Variants in SCOC observed in about 807,000 individuals in gnomAD.
SCOC encodes short coiled coil protein.
SCOC carries 7 observed loss-of-function variants against 9.9 expected under a neutral mutation model. That is an observed-to-expected ratio of 0.71 (90% CI 0.40 to 1.33). The LOEUF is 1.33. Ranked by LOEUF, SCOC falls within the 40% of genes most tolerant of loss-of-function variation. The pLI, the probability that SCOC is intolerant of heterozygous loss-of-function variation, is 0.01. For missense variants in SCOC, 66 were observed against 89.7 expected (o/e 0.74, Z 1.07); for synonymous variants, 19 against 28.2 (o/e 0.67, Z 1.03).
At chr4:140,376,003 G>C (rs1728328246) in intron 1 of SCOC, among the ~76,000 whole-genome samples, 1 of 152,138 alleles carries the variant, frequency 6.6e-6, no homozygotes, top group African/African-American at 2.4e-5. Context: ...GGAGCAGAAG[G>C]AGTTGAAAGT....
chr4:140,379,603 A>G lies in SCOC; in HGVS notation c.57A>G (p.Glu19=). ...CTGAAAATCAAGTGGAACTGGAGGA[A>G]AAAACAAGACTTATTAATCAAGTGT... ...VDAENQVELE[E]KTRLINQVLE... Residue 19 remains glutamate, a synonymous_variant, in exon 3 of 4, where the codon GAA becomes GAG. Transcript: ENST00000608372. 1.2e-6 allele frequency: 2 copies of G among 1,612,980 alleles called. No homozygotes were observed. The highest frequency in any genetic ancestry group is 2.7e-5 in the African/African-American group (2 of 74,998).
chr4:140,353,834 T>C (rs1345828512), intron 2 of SCOC, among the ~76,000 whole-genome samples: 3 of 152,244 alleles, frequency 2.0e-5, no homozygotes, highest in Non-Finnish European at 4.4e-5. Flanking sequence ...ACCAGCCTTC[T>C]TGGGATGCAC....
At chr4:140,334,553 G>T (rs982136600) in intron 1 of SCOC, among the ~76,000 whole-genome samples, 1 of 151,920 alleles carries the variant, frequency 6.6e-6, no homozygotes, top group Admixed American at 6.6e-5. Flanking sequence ...CACTAATAGC[G>T]AAACTGTTTT....
Position 140,379,189 on chromosome 4 carries a change from GATGGT to G in SCOC, c.22+1_22+5del, listed in dbSNP as rs1237205723. The G allele has an allele frequency of 6.2e-7, 1 of 1,600,870 alleles. No individual in the cohort carries two copies. On this transcript the variant is annotated splice_donor_variant and coding_sequence_variant, in exon 2 of 4. Transcript: ENST00000608372. LOFTEE classifies it high-confidence loss of function. ...ACCCAAGATGATGAATGCTGACATG[GATGGT>G]ATGTTCTTCATTTTCTTTTTTGTAT...
intron 1 of SCOC, among the ~76,000 whole-genome samples, chr4:140,300,687 G>A (rs1731787290): frequency 6.6e-6 from 1 of 152,232 alleles, no homozygotes; most frequent in South Asian, 2.1e-4. Flanking sequence ...GCCCAGGAAA[G>A]CACTCACTTT....
At chr4:140,348,764 GT>G (rs75636676) in intron 2 of SCOC, among the ~76,000 whole-genome samples, 14,263 of 152,182 alleles carry the variant, frequency 0.094, 673 homozygotes, top group East Asian at 0.21. Flanking sequence ...GGTAGTTCCA[GT>G]TTTAATGTTT....
chr4:140,298,368 G>A (rs911582314), intron 1 of SCOC, among the ~76,000 whole-genome samples: 4 of 152,208 alleles, frequency 2.6e-5, no homozygotes, highest in Non-Finnish European at 4.4e-5. Flanking sequence ...TTTGCCACTC[G>A]TGTGATCATA....
exon 2 of SCOC, chr4:140,343,700 A>G: frequency 6.2e-7 from 1 of 1,612,480 alleles, no homozygotes; most frequent in Non-Finnish European, 8.5e-7. Flanking sequence ...TCTCTTGCAG[A>G]TGACATAGGT....
At chr4:140,313,672 A>T (rs1732223098) in intron 1 of SCOC, among the ~76,000 whole-genome samples, 1 of 152,232 alleles carries the variant, frequency 6.6e-6, no homozygotes, top group African/African-American at 2.4e-5. Context: ...CGGACCTAAG[A>T]GCCTAAGCTA....
intron 2 of SCOC, among the ~76,000 whole-genome samples, chr4:140,346,690 G>A (rs181836996): frequency 3.7e-4 from 57 of 152,284 alleles, no homozygotes; most frequent in African/African-American, 1.2e-3. Context: ...AGCCAGTTGT[G>A]CTTCATAAAT....
At chr4:140,357,018 G>A (rs1409888031) in intron 2 of SCOC, among the ~76,000 whole-genome samples, 2 of 152,140 alleles carry the variant, frequency 1.3e-5, no homozygotes, top group Admixed American at 1.3e-4. Context: ...TGCCCAAGCT[G>A]GAGTGCAGTG....
chr4:140,349,448 AG>A (rs1225860721), intron 2 of SCOC, among the ~76,000 whole-genome samples: 1 of 152,214 alleles, frequency 6.6e-6, no homozygotes, highest in African/African-American at 2.4e-5. Flanking sequence ...GTGACTGCAG[AG>A]GAAACTATTT....
chr4:140,310,161 C>A (rs1378232312), intron 1 of SCOC, among the ~76,000 whole-genome samples: 1 of 152,174 alleles, frequency 6.6e-6, no homozygotes, highest in Non-Finnish European at 1.5e-5. Context: ...TTAAAAAAAT[C>A]TTTGTCACAT....
chr4:140,320,931 C>G (rs1475133887), intron 1 of SCOC, among the ~76,000 whole-genome samples: 2 of 152,114 alleles, frequency 1.3e-5, no homozygotes, highest in African/African-American at 4.8e-5. Context: ...AAGACTGATG[C>G]TTCGTAAGAA....
intron 1 of SCOC, among the ~76,000 whole-genome samples, chr4:140,331,667 T>C (rs1182102479): frequency 6.6e-6 from 1 of 152,200 alleles, no homozygotes; most frequent in East Asian, 1.9e-4. Flanking sequence ...CCTCCTTATC[T>C]TCCTGATTTC....
chr4:140,373,786 A>T, intron 1 of SCOC, 69 bp downstream of exon 1: 1 of 1,448,380 alleles, frequency 6.9e-7, no homozygotes, highest in Non-Finnish European at 9.3e-7. Context: ...AGTACCTCCG[A>T]GGGCCTGGAG....
At chr4:140,333,547 A>G (rs1454957418) in intron 1 of SCOC, among the ~76,000 whole-genome samples, 2 of 152,150 alleles carry the variant, frequency 1.3e-5, no homozygotes, top group Non-Finnish European at 2.9e-5. Flanking sequence ...CATGGCAGGT[A>G]TTTGATAAAT....
chr4:140,321,321 A>C (rs748980912), intron 1 of SCOC, among the ~76,000 whole-genome samples: 1 of 152,228 alleles, frequency 6.6e-6, no homozygotes, highest in Non-Finnish European at 1.5e-5. Flanking sequence ...GAAAAAACAC[A>C]GTATGGAAAA....
intron 1 of SCOC, among the ~76,000 whole-genome samples, chr4:140,278,802 C>T (rs75932044): frequency 0.025 from 3,773 of 152,224 alleles, 136 homozygotes; most frequent in African/African-American, 0.08. Context: ...GCCATACCTC[C>T]GGCCCAAATG....
Sources: allele counts gnomAD v4.1 joint callset (sites outside exome capture counted in the v4.1 genomes callset), GRCh38; gene constraint gnomAD v4.1.1; transcripts MANE v1.5; gene names NCBI Gene and HGNC (gene_info 2026-07-23, HGNC 2026-07-21).